ZNF331: variants seen among roughly 807,000 people sequenced by gnomAD.
The protein encoded by ZNF331 is zinc finger protein 331, also known as C2H2-like zinc finger protein rearranged in thyroid adenomas.
A neutral mutation model predicts 7.0 loss-of-function variants in ZNF331; 2 were observed. That is an observed-to-expected ratio of 0.29 (90% CI 0.12 to 0.90). ZNF331 has a LOEUF of 0.90. Among genes scored for constraint, ZNF331 ranks in the 40% least tolerant of loss-of-function variants. The pLI is 0.58. For synonymous variants in ZNF331, 196 were observed against 205.4 expected (o/e 0.95, Z 0.39); for missense variants, 432 against 587.7 (o/e 0.74, Z 2.74).
At chr19:53,562,671 C>A in intron 3 of ZNF331, among the ~76,000 whole-genome samples, 1 of 150,748 alleles carries the variant, frequency 6.6e-6, no homozygotes. Flanking sequence ...GCCTGGGCAA[C>A]AAGAGCAAAA....
At chr19:53,512,424 G>C in the ZNF331 span, 10 of 152,214 alleles carry the variant, frequency 6.6e-5, no homozygotes, top group Admixed American at 6.5e-4. Context: ...CTAGAGTGCA[G>C]GGAGATCCCC....
At chr19:53,517,774 C>A (rs1428990749), upstream of ZNF331, among the ~76,000 whole-genome samples, 1 of 152,166 alleles carries the variant, frequency 6.6e-6, no homozygotes, top group East Asian at 1.9e-4. Flanking sequence ...GCAAGGAAGC[C>A]AACAGTGCAG....
At chr19:53,514,795 A>C (rs1410170443), upstream of ZNF331, among the ~76,000 whole-genome samples, 5 of 151,426 alleles carry the variant, frequency 3.3e-5, no homozygotes, top group African/African-American at 4.9e-5. Context: ...GGACTACAGA[A>C]GCCCGCCACC....
At chr19:53,551,123 G>A (rs1160715807) in intron 2 of ZNF331, among the ~76,000 whole-genome samples, 4 of 152,116 alleles carry the variant, frequency 2.6e-5, no homozygotes, top group East Asian at 3.9e-4. Flanking sequence ...GAGCCACTGC[G>A]CCTGGCCAAT....
At chr19:53,521,123 A>G (rs2087058329) in exon 1 of ZNF331, 1 of 152,210 alleles carries the variant, frequency 6.6e-6, no homozygotes, top group Non-Finnish European at 1.5e-5. Flanking sequence ...TCTTATCCCA[A>G]CTGCGCCTGA....
At chr19:53,530,193 T>C (rs940498656) in intron 2 of ZNF331, among the ~76,000 whole-genome samples, 1 of 152,012 alleles carries the variant, frequency 6.6e-6, no homozygotes, top group Non-Finnish European at 1.5e-5. Context: ...CCATGTACTT[T>C]TAAATGACCA....
chr19:53,572,988 G>A (rs1392831448), intron 5 of ZNF331, among the ~76,000 whole-genome samples: 3 of 152,126 alleles, frequency 2.0e-5, no homozygotes, highest in East Asian at 1.9e-4. Context: ...GGAGGCTGAG[G>A]TGGGCGGATC....
chr19:53,577,893 G>A lies in ZNF331; in HGVS notation c.1333G>A (p.Gly445Arg), dbSNP rs774775516. ...GAKSYECKEC[G>R]KACNHLNHLR... ...GAAATCCTACGAATGTAAGGAGTGC[G>A]GGAAGGCATGTAACCACCTAAACCA... The change falls in exon 6 of 6, where the codon GGG becomes AGG. Residue 445 changes from glycine (G) to arginine (R), a missense_variant. Gly to Arg is a moderately radical substitution (Grantham distance 125). Transcript: ENST00000449416. 16 of 1,613,614 alleles carry A rather than the reference G, an allele frequency of 9.9e-6. No individual in the cohort carries two copies. The highest frequency in any genetic ancestry group is 3.3e-5 in the South Asian group (3 of 91,070).
rs2090763710 is a variant in ZNF331, at chr19:53,577,234, G to A, written c.674G>A (p.Arg225Gln). 3 of 1,613,884 alleles carry A rather than the reference G, an allele frequency of 1.9e-6. No homozygotes were observed. The highest frequency in any genetic ancestry group is 2.5e-6 in the Non-Finnish European group (3 of 1,179,996). Residue 225 changes from arginine (R) to glutamine (Q), a missense_variant, in exon 6 of 6, where the codon CGG becomes CAG. Physicochemically the swap from Arg to Gln is conservative, Grantham distance 43. This residue lies in a region of ZNF331 where 312 missense variants were observed against 448.6 expected (regional missense o/e 0.70). Transcript: ENST00000449416. ...TGTAAAGACTGTGGAAAGGCCTTTC[G>A]GCGTGGTGATGAGCTCACTCAGCAC... ...YECKDCGKAF[R>Q]RGDELTQHQR...
chr19:53,551,653 G>GA (rs1423176007), intron 2 of ZNF331, among the ~76,000 whole-genome samples: 1 of 151,566 alleles, frequency 6.6e-6, no homozygotes, highest in Non-Finnish European at 1.5e-5. Flanking sequence ...ATATCCTTGG[G>GA]AAAAAAAATA....
chr19:53,550,840 A>G (rs1194745546), intron 2 of ZNF331, among the ~76,000 whole-genome samples: 4 of 130,668 alleles, frequency 3.1e-5, no homozygotes, highest in African/African-American at 1.2e-4. Flanking sequence ...CCTGGCCGTT[A>G]ATCTTTTTTT....
chr19:53,553,354 G>T (rs1477820529), intron 2 of ZNF331, among the ~76,000 whole-genome samples: 1 of 151,514 alleles, frequency 6.6e-6, no homozygotes, highest in Non-Finnish European at 1.5e-5. Flanking sequence ...TGATGTCATT[G>T]TGAATGTCCT....
intron 2 of ZNF331, chr19:53,555,246 C>T (rs888370700): frequency 1.6e-5 from 2 of 128,588 alleles, no homozygotes; most frequent in Admixed American, 8.4e-5. Context: ...GATGGGTGAT[C>T]GGGCCTTCTG....
intron 2 of ZNF331, among the ~76,000 whole-genome samples, chr19:53,527,203 T>C (rs1021352442): frequency 4.0e-5 from 6 of 151,810 alleles, no homozygotes; most frequent in Admixed American, 3.9e-4. Context: ...GAAATATAAC[T>C]TAAGGAAGTC....
chr19:53,561,959 C>T (rs1053729722), intron 3 of ZNF331, among the ~76,000 whole-genome samples: 4 of 151,908 alleles, frequency 2.6e-5, no homozygotes, highest in Non-Finnish European at 5.9e-5. Flanking sequence ...ACCAGCCTGG[C>T]CAACATGGTG....
At chr19:53,506,892 C>T in the ZNF331 span, among the ~76,000 whole-genome samples, 3 of 152,058 alleles carry the variant, frequency 2.0e-5, no homozygotes, top group Non-Finnish European at 1.5e-5. Context: ...CCGTTGGGGG[C>T]GAGTCATTAG....
At position 53,540,356 on chromosome 19, in the gene ZNF331, G is replaced by A. The variant is rs140811643; in HGVS notation, c.-138+1074G>A. ...TCACCATCTTGCTGTGTCCTCTCACGGAGGACATGTGTGTGCTTGGAGGCT... is the reference window on the plus strand; with the variant it reads ...TCACCATCTTGCTGTGTCCTCTCACAGAGGACATGTGTGTGCTTGGAGGCT... On this transcript the variant is annotated intron_variant, in intron 2 of 5. Transcript: ENST00000449416. Among the ~76,000 whole-genome samples the A allele has an allele frequency of 2.8e-4, 43 of 152,264 alleles. 1 individual carries two copies. Among genetic ancestry groups the A allele is most frequent in the South Asian group, 6.2e-4 (3 of 4,822 alleles).
At chr19:53,570,712 A>G (rs2090399452) in intron 4 of ZNF331, among the ~76,000 whole-genome samples, 1 of 151,130 alleles carries the variant, frequency 6.6e-6, no homozygotes, top group East Asian at 2.0e-4. Context: ...TTGTATTTTA[A>G]GTAGAGACGA....
chr19:53,514,989 C>A (rs1401372992), upstream of ZNF331, among the ~76,000 whole-genome samples: 1 of 152,144 alleles, frequency 6.6e-6, no homozygotes, highest in African/African-American at 2.4e-5. Flanking sequence ...AGAATGTTTT[C>A]TTCATCAAAT....
Sources: allele counts gnomAD v4.1 joint callset (sites outside exome capture counted in the v4.1 genomes callset), GRCh38; gene constraint gnomAD v4.1.1; regional missense constraint gnomAD v4.1.1; transcripts MANE v1.5; gene names NCBI Gene and HGNC (gene_info 2026-07-23, HGNC 2026-07-21).